The following CFTR variants were observed in gnomAD, a reference collection of about 807,000 sequenced individuals.
CFTR encodes cystic fibrosis transmembrane conductance regulator.
A neutral mutation model predicts 171.6 loss-of-function variants in CFTR; 181 were observed. The ratio of observed to expected loss-of-function variants is 1.05; its 90% CI spans 0.93 to 1.19. The LOEUF (loss-of-function observed/expected upper bound fraction) is 1.19, where lower values mean the gene tolerates loss of function less well. Ranked by LOEUF, CFTR falls within the 50% of genes most tolerant of loss-of-function variation. The probability of loss-of-function intolerance (pLI) is 0.00; values close to 1 mark genes in which losing one functional copy is unlikely to be tolerated. For synonymous variants in CFTR, 583 were observed against 608.0 expected, an observed-to-expected ratio of 0.96 and a Z score of 0.60; for missense variants, 1,968 against 1,734.7, an observed-to-expected ratio of 1.13 and a Z score of -2.39.
rs75096551 is a variant in CFTR at position 117,606,754 on chromosome 7, G to T, written c.2988+1G>T. On this transcript the variant is annotated splice_donor_variant, in intron 18 of 26. Coordinates refer to ENST00000003084, the MANE Select transcript of CFTR (RefSeq NM_000492.4). LOFTEE classifies it high-confidence loss of function. ...TCTTACCATATTTGACTTCATCCAGGTATGTAAAAATAAGTACCGTTAAGT... is the reference window on the plus strand; with the variant it reads ...TCTTACCATATTTGACTTCATCCAGTTATGTAAAAATAAGTACCGTTAAGT... 6.6e-7 allele frequency: 1 copy of T among 1,525,228 alleles called. No homozygotes were observed. Among genetic ancestry groups the T allele is most frequent in the Non-Finnish European group, 9.1e-7 (1 of 1,099,736 alleles). 94.5% of individuals were successfully genotyped at this position (1,525,228 alleles called of 1,614,324 possible).
Position 117,610,439 on chromosome 7 carries a change from G to T in CFTR, c.2989-80G>T, listed in dbSNP as rs1442910368. ...TTTAAAGTATGCAAAAAAAAAAAAA[G>T]AAATAAATCACTGACACACTTTGTC... On this transcript the variant is annotated intron_variant, in intron 18 of 26. Coordinates refer to ENST00000003084, the MANE Select transcript of CFTR (RefSeq NM_000492.4). The T allele has an allele frequency of 1.2e-4, 135 of 1,089,246 alleles. No homozygotes were observed. In the East Asian group the frequency reaches 1.4e-3, roughly 11 times the overall value. 67.5% of individuals were successfully genotyped at this position (1,089,246 alleles called of 1,614,324 possible).
intron 22 of CFTR, among the ~76,000 whole-genome samples, chr7:117,635,627 T>C (rs1175370627): frequency 6.6e-6 from 1 of 152,054 alleles, no homozygotes. Context: ...AAAAAAACAT[T>C]TTTTAGTGGT....
intron 23 of CFTR, among the ~76,000 whole-genome samples, chr7:117,652,620 A>G (rs1465601343): frequency 6.6e-6 from 1 of 152,130 alleles, no homozygotes; most frequent in Non-Finnish European, 1.5e-5. Context: ...AAAAATGTTC[A>G]CAAGGGACTC....
chr7:117,557,058 A>T (rs1799373495), intron 10 of CFTR, among the ~76,000 whole-genome samples: 1 of 151,862 alleles, frequency 6.6e-6, no homozygotes, highest in African/African-American at 2.4e-5. Flanking sequence ...ACGCTTTTTT[A>T]AAAAGCTGTG....
chr7:117,651,137 C>T (rs557366687), intron 23 of CFTR, among the ~76,000 whole-genome samples: 41 of 152,276 alleles, frequency 2.7e-4, no homozygotes, highest in African/African-American at 8.9e-4. Flanking sequence ...GATAAGTCTG[C>T]CATAAATGGG....
intron 3 of CFTR, among the ~76,000 whole-genome samples, chr7:117,510,199 A>G (rs978538169): frequency 3.3e-5 from 5 of 152,102 alleles, no homozygotes; most frequent in Non-Finnish European, 7.4e-5. Context: ...GGGGGTAAAA[A>G]GTATTTTATT....
intron 21 of CFTR, among the ~76,000 whole-genome samples, chr7:117,618,282 A>G (rs1584826094): frequency 6.6e-6 from 1 of 152,102 alleles, no homozygotes; most frequent in Non-Finnish European, 1.5e-5. Flanking sequence ...TGAGGTCGGG[A>G]GTTTGAGACC....
chr7:117,536,096 A>G (rs1169385580), intron 6 of CFTR, among the ~76,000 whole-genome samples: 1 of 152,234 alleles, frequency 6.6e-6, no homozygotes, highest in Non-Finnish European at 1.5e-5. Context: ...AATAACTAAT[A>G]TGAGTGAATG....
intron 9 of CFTR, among the ~76,000 whole-genome samples, chr7:117,545,095 T>A (rs1437746087): frequency 6.6e-6 from 1 of 152,220 alleles, no homozygotes; most frequent in Non-Finnish European, 1.5e-5. Context: ...TCCATGTGAC[T>A]GGGGAGGCCT....
At chr7:117,627,820 T>C in intron 22 of CFTR, 50 bp downstream of exon 22, 4 of 1,586,544 alleles carry the variant, frequency 2.5e-6, no homozygotes, top group Non-Finnish European at 3.4e-6. Flanking sequence ...AGTAAGTGAA[T>C]CCCAGTAGCC....
At chr7:117,608,945 CTT>C (rs1378289923) in intron 18 of CFTR, among the ~76,000 whole-genome samples, 1 of 152,130 alleles carries the variant, frequency 6.6e-6, no homozygotes, top group Non-Finnish European at 1.5e-5. Context: ...GATTTACCCT[CTT>C]AACAGATTTT....
chr7:117,515,172 A>G (rs1006787083), intron 3 of CFTR, among the ~76,000 whole-genome samples: 1 of 151,978 alleles, frequency 6.6e-6, no homozygotes, highest in South Asian at 2.1e-4. Flanking sequence ...CAATTTGTCA[A>G]TTTTGGCTTT....
At chr7:117,635,600 C>T (rs1584833416) in intron 22 of CFTR, among the ~76,000 whole-genome samples, 1 of 151,822 alleles carries the variant, frequency 6.6e-6, no homozygotes, top group East Asian at 1.9e-4. Context: ...CTTTTCTTAG[C>T]ATAGTAATTC....
chr7:117,660,581 G>A (rs924905326), intron 24 of CFTR, among the ~76,000 whole-genome samples: 10 of 151,962 alleles, frequency 6.6e-5, no homozygotes, highest in African/African-American at 2.4e-4. Context: ...AGTGAGCCCA[G>A]ATCGCACCAC....
At chr7:117,484,347 C>T (rs1028172878) in intron 1 of CFTR, among the ~76,000 whole-genome samples, 2 of 152,200 alleles carry the variant, frequency 1.3e-5, no homozygotes, top group Non-Finnish European at 2.9e-5. Flanking sequence ...TACCATGACT[C>T]CATTTAGTCA....
intron 3 of CFTR, among the ~76,000 whole-genome samples, chr7:117,523,440 G>A (rs1366150898): frequency 1.3e-5 from 2 of 151,098 alleles, no homozygotes; most frequent in African/African-American, 4.9e-5. Flanking sequence ...GCAGTGGCGC[G>A]ATCTCCACTC....
chr7:117,523,388 T>G (rs1182785379), intron 3 of CFTR, among the ~76,000 whole-genome samples: 1 of 151,414 alleles, frequency 6.6e-6, no homozygotes, highest in Non-Finnish European at 1.5e-5. Context: ...TTTGTTTTTT[T>G]TTTTTTGAGA....
In CFTR at chr7:117,591,937, T is replaced by C. The variant is rs1277496713; in HGVS notation, c.1770T>C (p.Cys590=). The change falls in exon 14 of 27, where the codon TGT becomes TGC. Residue 590 remains cysteine, a synonymous_variant. Transcript: ENST00000003084. ...VLTEKEIFES[C]VCKLMANKTR... is the part of the protein sequence containing the mutation. ...TATATGTTTTTATATCTTAAAGCTG[T>C]GTCTGTAAACTGATGGCTAACAAAA... The C allele has an allele frequency of 2.6e-6, 4 of 1,565,442 alleles. No individual in the cohort carries two copies. The highest frequency in any genetic ancestry group is 2.6e-6 in the Non-Finnish European group (3 of 1,151,102).
intron 1 of CFTR, among the ~76,000 whole-genome samples, chr7:117,482,750 G>C (rs879269840): frequency 1.3e-5 from 2 of 152,088 alleles, no homozygotes; most frequent in Admixed American, 6.6e-5. Context: ...CAACTTTTAA[G>C]GTAGTTATTC....
Sources: allele counts gnomAD v4.1 joint callset (sites outside exome capture counted in the v4.1 genomes callset), GRCh38; gene constraint gnomAD v4.1.1; transcripts MANE v1.5; gene names NCBI Gene and HGNC (gene_info 2026-07-23, HGNC 2026-07-21).